Variants in PFKFB3 observed in about 807,000 individuals in gnomAD.
The protein encoded by PFKFB3 is 6-phosphofructo-2-kinase/fructose-2,6-biphosphatase 3, also known as 6-phosphofructo-2-kinase/fructose-2,6-bisphosphatase 3.
PFKFB3 carries 33 observed loss-of-function variants against 68.0 expected under a neutral mutation model. The observed-to-expected ratio is 0.49, with a 90% CI of 0.37 to 0.65. The LOEUF (loss-of-function observed/expected upper bound fraction) is 0.65. Among genes scored for constraint, PFKFB3 ranks in the 30% least tolerant of loss-of-function variants. PFKFB3 has a pLI of 0.00. For synonymous variants in PFKFB3, 315 were observed against 288.2 expected (o/e 1.09, Z -0.94); for missense variants, 586 against 712.2 (o/e 0.82, Z 2.02).
chr10:6,303,679 G>A, the PFKFB3 span, among the ~76,000 whole-genome samples: 1 of 151,678 alleles, frequency 6.6e-6, no homozygotes, highest in Non-Finnish European at 1.5e-5. Flanking sequence ...CGGGCGTGGT[G>A]GCAGGCGCTA....
intron 1 of PFKFB3, among the ~76,000 whole-genome samples, chr10:6,186,099 C>T (rs1301143621): frequency 4.0e-5 from 6 of 151,690 alleles, no homozygotes; most frequent in Non-Finnish European, 8.8e-5. Flanking sequence ...GTGGTGTTTT[C>T]GGTGGTATAT....
intron 13 of PFKFB3, among the ~76,000 whole-genome samples, chr10:6,225,752 CTCGGG>C (rs1293070652): frequency 1.9e-4 from 14 of 73,936 alleles, no homozygotes; most frequent in African/African-American, 5.1e-4. Context: ...CAGATCCTGC[CTCGGG>C]TCAGCGGAAG....
chr10:6,307,394 G>C, the PFKFB3 span, among the ~76,000 whole-genome samples: 1 of 151,442 alleles, frequency 6.6e-6, no homozygotes, highest in African/African-American at 2.4e-5. Context: ...TGTTTCTCTG[G>C]AGAACGCAAT....
the PFKFB3 span, among the ~76,000 whole-genome samples, chr10:6,308,627 C>T: frequency 0.24 from 36,173 of 152,040 alleles, 4,549 homozygotes; most frequent in East Asian, 0.44. Flanking sequence ...TAAAAACAGG[C>T]GCTAAAGGCA....
chr10:6,213,911 A>G (rs529049031), intron 2 of PFKFB3, among the ~76,000 whole-genome samples, 163 bp downstream of exon 2: 2 of 152,082 alleles, frequency 1.3e-5, no homozygotes, highest in East Asian at 3.9e-4. Context: ...CACTGTGTCT[A>G]CACCCTTTTT....
Position 6,213,859 on chromosome 10 carries a change from G to A in PFKFB3, c.202+111G>A, listed in dbSNP as rs1026366579. On this transcript the variant is annotated intron_variant, in intron 2 of 14. Transcript: ENST00000379775. Reference sequence around the variant, plus strand: ...CCCTGGGCGCCTCTGTCCCCTGGTCGGGGAGTCTGATCCTGCCTCCCATGC... The same window carrying A: ...CCCTGGGCGCCTCTGTCCCCTGGTCAGGGAGTCTGATCCTGCCTCCCATGC... The A allele has an allele frequency of 1.0e-5, 12 of 1,175,940 alleles. No homozygotes were observed. In the Admixed American group the frequency reaches 1.5e-4, roughly 14 times the overall value. 72.8% of individuals were successfully genotyped at this position (1,175,940 alleles called of 1,614,324 possible).
chr10:6,220,368 G>A lies in PFKFB3; in HGVS notation c.624-290G>A, dbSNP rs575603007. Among the ~76,000 whole-genome samples the A allele has an allele frequency of 4.6e-5, 7 of 152,264 alleles. No individual in the cohort carries two copies. The highest frequency in any genetic ancestry group is 2.0e-4 in the Admixed American group (3 of 15,292). On this transcript the variant is annotated intron_variant, in intron 7 of 14. Transcript: ENST00000379775. This position sits in a 1 kb window ranked among gnomAD's most constrained non-coding sequence, Gnocchi z 4.1. ...TCCTCTTGCCTCGGCCTCCCAAAGT[G>A]CTGGGATTACAGGCATGAGCCACTG...
intron 1 of PFKFB3, among the ~76,000 whole-genome samples, chr10:6,192,230 A>G (rs1170605255): frequency 1.3e-5 from 2 of 151,446 alleles, no homozygotes; most frequent in Non-Finnish European, 2.9e-5. Context: ...TCCAGTCTCA[A>G]CACTGGCGAT....
chr10:6,284,258 C>T, the PFKFB3 span, among the ~76,000 whole-genome samples: 1 of 152,198 alleles, frequency 6.6e-6, no homozygotes, highest in African/African-American at 2.4e-5. Context: ...CCTGCTAGAC[C>T]TATTTTTTAT....
upstream of PFKFB3, among the ~76,000 whole-genome samples, chr10:6,199,658 A>ATTTTTTTTTTTTTTTTTTTTTTTTTTT (rs143309528): frequency 1.3e-5 from 1 of 75,584 alleles, no homozygotes; most frequent in Non-Finnish European, 2.3e-5. Flanking sequence ...CTATTTTTAA[A>ATTTTTTTTTTTTTTTTTTTTTTTTTTT]TTTTTTTTTT....
At chr10:6,186,247 T>A (rs1191951568) in intron 1 of PFKFB3, among the ~76,000 whole-genome samples, 2 of 152,238 alleles carry the variant, frequency 1.3e-5, no homozygotes, top group African/African-American at 4.8e-5. Context: ...TGTAAGTAAC[T>A]GGATACTGGA....
At chr10:6,208,264 G>A (rs1315402469) in intron 1 of PFKFB3, among the ~76,000 whole-genome samples, 1 of 151,588 alleles carries the variant, frequency 6.6e-6, no homozygotes, top group South Asian at 2.1e-4. Context: ...TTGCACAAAC[G>A]GGGTCTCTCT....
At chr10:6,221,291 A>G in intron 8 of PFKFB3, 90 bp from the exon 9 acceptor site, 1 of 1,485,402 alleles carries the variant, frequency 6.7e-7, no homozygotes, top group African/African-American at 1.4e-5. Flanking sequence ...CAGGTAGTGC[A>G]CAGCCCTACG....
the PFKFB3 span, chr10:6,293,197 A>G: frequency 5.7e-5 from 27 of 472,462 alleles, no homozygotes; most frequent in East Asian, 1.6e-3. Context: ...TTGTAATAGT[A>G]ACTCGAGTCC....
At chr10:6,151,081 T>A (rs1430933829) in intron 1 of PFKFB3, among the ~76,000 whole-genome samples, 2 of 152,108 alleles carry the variant, frequency 1.3e-5, no homozygotes, top group African/African-American at 4.8e-5. Flanking sequence ...GCTGGGCGGT[T>A]GAGACGGTGG....
At chr10:6,213,152 G>A (rs1194846608) in intron 1 of PFKFB3, among the ~76,000 whole-genome samples, 2 of 152,164 alleles carry the variant, frequency 1.3e-5, no homozygotes, top group African/African-American at 4.8e-5. Flanking sequence ...TGAGGGACAG[G>A]GTGTGGCTGG....
upstream of PFKFB3, among the ~76,000 whole-genome samples, chr10:6,200,664 GGGGGGGGGGGGCGGGGGGTGGTGGT>G (rs1843311591): frequency 2.0e-5 from 1 of 49,684 alleles, no homozygotes; most frequent in Non-Finnish European, 4.7e-5. Flanking sequence ...AGGAGCGGGG[GGGGGGGGGGGGCGGGGGGTGGTGGT>G]GGGGCGGGGA....
At chr10:6,175,617 A>G (rs1313593331) in intron 1 of PFKFB3, among the ~76,000 whole-genome samples, 1 of 152,258 alleles carries the variant, frequency 6.6e-6, no homozygotes, top group Non-Finnish European at 1.5e-5. Flanking sequence ...GCCTAGATCA[A>G]CAAAGTCACT....
At chr10:6,155,348 GCC>G in intron 1 of PFKFB3, among the ~76,000 whole-genome samples, 1 of 151,706 alleles carries the variant, frequency 6.6e-6, no homozygotes, top group East Asian at 1.9e-4. Flanking sequence ...GACCACAGGC[GCC>G]CACCACCACG....
Sources: gnomAD v4.1 joint callset for allele counts (sites outside exome capture counted in the v4.1 genomes callset) on GRCh38, gnomAD v4.1.1 for gene constraint, Gnocchi (gnomAD v3.1) non-coding constraint, MANE v1.5 for transcripts, NCBI Gene and HGNC (gene_info 2026-07-23, HGNC 2026-07-21) for gene names.